Variants in MLLT1 observed in about 807,000 individuals in gnomAD.
The protein encoded by MLLT1 is MLLT1 super elongation complex subunit.
MLLT1 carries 11 observed loss-of-function variants against 55.1 expected under a neutral mutation model. The observed-to-expected ratio is 0.20, with a 90% CI of 0.13 to 0.33. The LOEUF is 0.33. Ranked by LOEUF, MLLT1 falls within the 10% of genes least tolerant of loss-of-function variation. The pLI, the probability that MLLT1 is intolerant of heterozygous loss-of-function variation, is 1.00. For missense variants in MLLT1, 536 were observed against 760.6 expected (o/e 0.70, Z 3.47); for synonymous variants, 323 against 320.1 (o/e 1.01, Z -0.10).
At chr19:6,223,444 G>A (rs916599707) in intron 5 of MLLT1, among the ~76,000 whole-genome samples, 1 of 152,210 alleles carries the variant, frequency 6.6e-6, no homozygotes, top group Non-Finnish European at 1.5e-5. Flanking sequence ...ATCCCATTGA[G>A]GACAGAGGTA....
chr19:6,278,699 C>T (rs142173526), intron 1 of MLLT1, among the ~76,000 whole-genome samples: 183 of 151,936 alleles, frequency 1.2e-3, no homozygotes, highest in Non-Finnish European at 1.8e-3. Flanking sequence ...ATCCCAGGGG[C>T]GGAGAGGGCC....
rs2090761620 is a variant in MLLT1, at chr19:6,210,933, G to A, written c.*2109C>T. The A allele has an allele frequency of 4.3e-6, 1 of 231,156 alleles. No individual in the cohort carries two copies. The highest frequency in any genetic ancestry group is 1.8e-4 in the South Asian group (1 of 5,504). 14.3% of individuals were successfully genotyped at this position (231,156 alleles called of 1,614,324 possible). ...GGCCAGAGGAGGTAACTGAGAACTGGGTTGGTGCTTCCGGAGGCCTTGGAA... is the reference window on the plus strand; with the variant it reads ...GGCCAGAGGAGGTAACTGAGAACTGAGTTGGTGCTTCCGGAGGCCTTGGAA... On this transcript the variant is annotated 3_prime_UTR_variant, in exon 12 of 12. Transcript: ENST00000252674. This position sits in a 1 kb window ranked among gnomAD's most constrained non-coding sequence, Gnocchi z 4.6.
At chr19:6,239,366 AG>A (rs2091093704) in intron 3 of MLLT1, among the ~76,000 whole-genome samples, 6 of 152,258 alleles carry the variant, frequency 3.9e-5, no homozygotes, top group African/African-American at 9.6e-5. Flanking sequence ...GCACCCCTGC[AG>A]AGGGAGACCC....
intron 3 of MLLT1, among the ~76,000 whole-genome samples, chr19:6,233,824 C>G (rs1450489926): frequency 6.6e-6 from 1 of 152,242 alleles, no homozygotes; most frequent in African/African-American, 2.4e-5. Context: ...CCACACTTCC[C>G]CTACGCAGCT....
rs146934477 is a variant in MLLT1 at position 6,227,140 on chromosome 19, G to A, written c.421-38C>T. 2.0e-4 allele frequency: 314 copies of A among 1,568,400 alleles called. 1 individual carries two copies. The African/African-American group carries it at 4.0e-3, about 20-fold the overall frequency. Reference sequence around the variant, plus strand: ...AAGAGACAGTCATTATCGATGGGCAGGGGGCAGGGGGCCCACACGGGCCGG... The same window carrying A: ...AAGAGACAGTCATTATCGATGGGCAAGGGGCAGGGGGCCCACACGGGCCGG... On this transcript the variant is annotated intron_variant, in intron 4 of 11. Transcript: ENST00000252674. The surrounding 1 kb of genome is among the most constrained non-coding windows in gnomAD (Gnocchi z 5.1).
At chr19:6,275,618 C>T (rs140852917) in intron 1 of MLLT1, among the ~76,000 whole-genome samples, 3 of 152,306 alleles carry the variant, frequency 2.0e-5, no homozygotes, top group African/African-American at 7.2e-5. Flanking sequence ...CTAACAGGTA[C>T]ACCGGGTCCT....
intron 2 of MLLT1, among the ~76,000 whole-genome samples, chr19:6,264,892 TA>T (rs34494210): frequency 0.01 from 761 of 73,606 alleles, 6 homozygotes; most frequent in African/African-American, 0.035. Context: ...GAAACTCTGT[TA>T]AAAAAAAAAA....
intron 3 of MLLT1, among the ~76,000 whole-genome samples, chr19:6,254,269 G>A (rs12710085): frequency 0.28 from 42,737 of 152,158 alleles, 6,982 homozygotes; most frequent in African/African-American, 0.44. Flanking sequence ...AGGCTGGCCC[G>A]TCTGAGGGCA....
At chr19:6,263,100 C>T (rs2091318705) in intron 2 of MLLT1, 1 of 152,282 alleles carries the variant, frequency 6.6e-6, no homozygotes, top group East Asian at 1.9e-4. Flanking sequence ...AGGAGAATCG[C>T]TTGAACCCCA....
chr19:6,214,845 C>G (rs1294757722), intron 8 of MLLT1, among the ~76,000 whole-genome samples: 1 of 152,192 alleles, frequency 6.6e-6, no homozygotes, highest in Admixed American at 6.5e-5. Context: ...TCGAGCACAC[C>G]GGACTTCCCG....
At chr19:6,216,700 C>A (rs761975556) in intron 7 of MLLT1, 187 bp from the exon 8 acceptor site, 1 of 578,898 alleles carries the variant, frequency 1.7e-6, no homozygotes, top group Non-Finnish European at 3.1e-6. Context: ...CCACCCGCTT[C>A]CCCTAGAACG....
intron 3 of MLLT1, among the ~76,000 whole-genome samples, chr19:6,260,716 A>G (rs2091297448): frequency 6.6e-6 from 1 of 152,234 alleles, no homozygotes; most frequent in Non-Finnish European, 1.5e-5. Flanking sequence ...CACAGTGGCA[A>G]GTGCCTGTAG....
intron 6 of MLLT1, among the ~76,000 whole-genome samples, chr19:6,221,167 G>C (rs914210318): frequency 6.6e-6 from 1 of 152,204 alleles, no homozygotes; most frequent in Non-Finnish European, 1.5e-5. Flanking sequence ...GCAACCCAGA[G>C]GCAAAGCTTC....
chr19:6,217,988 G>T lies in MLLT1; in HGVS notation c.1164C>A (p.Asp388Glu), dbSNP rs367758110. 1.2e-6 allele frequency: 2 copies of T among 1,607,092 alleles called. No individual in the cohort carries two copies. The highest frequency in any genetic ancestry group is 2.7e-5 in the African/African-American group (2 of 74,354). The change falls in exon 7 of 12, where the codon GAC becomes GAA. Residue 388 changes from aspartate to glutamate, a missense_variant. Physicochemically the swap from Asp to Glu is conservative, Grantham distance 45 (BLOSUM62 2). Transcript: ENST00000252674. ...GGTTCTGGGATGGCTCGAAGTCTGAGTCTGAGCTGGAGTCTGAGCTGGAGC... is the reference window on the plus strand; with the variant it reads ...GGTTCTGGGATGGCTCGAAGTCTGATTCTGAGCTGGAGTCTGAGCTGGAGC... ...NSSSSSDSSS[D>E]SDFEPSQNHS... is the part of the protein sequence containing the mutation.
intron 9 of MLLT1, 61 bp downstream of exon 9, chr19:6,213,878 G>A: frequency 6.5e-7 from 1 of 1,544,614 alleles, no homozygotes. Context: ...TCCTAGGACA[G>A]CCCGGCCCAG....
At chr19:6,220,317 G>T (rs2090885536) in intron 6 of MLLT1, among the ~76,000 whole-genome samples, 1 of 152,230 alleles carries the variant, frequency 6.6e-6, no homozygotes, top group Non-Finnish European at 1.5e-5. Flanking sequence ...GGGGGAAGAG[G>T]CGTCAGGGAC....
At chr19:6,245,128 G>A (rs2144907021) in intron 3 of MLLT1, among the ~76,000 whole-genome samples, 1 of 152,084 alleles carries the variant, frequency 6.6e-6, no homozygotes, top group East Asian at 1.9e-4. Context: ...ATCACTTGAG[G>A]CTGGGGGTTT....
intron 3 of MLLT1, among the ~76,000 whole-genome samples, chr19:6,255,577 T>C (rs2091251020): frequency 6.6e-6 from 1 of 152,204 alleles, no homozygotes; most frequent in South Asian, 2.1e-4. Flanking sequence ...AAAATATTGC[T>C]GAAAGAACCT....
chr19:6,230,755 C>T lies in MLLT1; in HGVS notation c.277-42G>A, dbSNP rs539600544. ...AAGAAAGTCTGCATCAGAGGGTGGC[C>T]GTGGTGCAGGGACACAGCTCCCCAT... On this transcript the variant is annotated intron_variant, in intron 3 of 11. Coordinates refer to ENST00000252674, the MANE Select transcript of MLLT1 (RefSeq NM_005934.4). The surrounding 1 kb of genome is among the most constrained non-coding windows in gnomAD (Gnocchi z 9.0). 1.1e-5 allele frequency: 18 copies of T among 1,609,768 alleles called. No individual in the cohort carries two copies. The highest frequency in any genetic ancestry group is 8.0e-5 in the African/African-American group (6 of 74,856).
Sources: gnomAD v4.1 joint callset for allele counts (sites outside exome capture counted in the v4.1 genomes callset) on GRCh38, gnomAD v4.1.1 for gene constraint, Gnocchi (gnomAD v3.1) non-coding constraint, MANE v1.5 for transcripts, NCBI Gene and HGNC (gene_info 2026-07-23, HGNC 2026-07-21) for gene names.